Variants in MYH11 observed in about 807,000 individuals in gnomAD.
MYH11 encodes myosin-11.
A neutral mutation model predicts 246.6 loss-of-function variants in MYH11; 80 were observed. The ratio of observed to expected loss-of-function variants is 0.32; its 90% CI spans 0.27 to 0.39. The LOEUF (loss-of-function observed/expected upper bound fraction) is 0.39. Among genes scored for constraint, MYH11 ranks in the 10% least tolerant of loss-of-function variants. MYH11 has a pLI of 1.00. For synonymous variants in MYH11, 1,071 were observed against 1,015.5 expected, an observed-to-expected ratio of 1.05 and a Z score of -1.04; for missense variants, 2,158 against 2,546.8, an observed-to-expected ratio of 0.85 and a Z score of 3.29.
At chr16:15,768,199 T>C (rs763259929) in intron 9 of MYH11, among the ~76,000 whole-genome samples, 5 of 152,216 alleles carry the variant, frequency 3.3e-5, no homozygotes, top group Admixed American at 6.5e-5. Context: ...CTCTTCTTGC[T>C]GAGGAATAAG....
chr16:15,711,460 A>G (rs1252960691), intron 40 of MYH11, among the ~76,000 whole-genome samples: 2 of 152,198 alleles, frequency 1.3e-5, no homozygotes, highest in African/African-American at 2.4e-5. Flanking sequence ...TATTTTTATC[A>G]TATTACTTTC....
At chr16:15,718,248 C>G in intron 37 of MYH11, 67 bp downstream of exon 37, 1 of 1,602,142 alleles carries the variant, frequency 6.2e-7, no homozygotes, top group Non-Finnish European at 8.5e-7. Flanking sequence ...CGTGTGTTGA[C>G]TGGTGCAGGA....
intron 14 of MYH11, 55 bp downstream of exon 14, chr16:15,756,286 G>A: frequency 6.3e-7 from 1 of 1,591,434 alleles, no homozygotes; most frequent in Admixed American, 1.7e-5. Flanking sequence ...TCTCTGCGCT[G>A]AGCAGCCACT....
chr16:15,847,901 A>C (rs1020753418), intron 1 of MYH11, among the ~76,000 whole-genome samples: 4 of 152,096 alleles, frequency 2.6e-5, no homozygotes, highest in Non-Finnish European at 5.9e-5. Flanking sequence ...AATTCCCTGA[A>C]ATATCTGGGC....
intron 40 of MYH11, chr16:15,714,654 C>A: frequency 3.4e-6 from 2 of 586,986 alleles, no homozygotes; most frequent in Non-Finnish European, 6.1e-6. Context: ...CCTCCTCAGC[C>A]GGAGGACCGG....
intron 2 of MYH11, among the ~76,000 whole-genome samples, chr16:15,830,003 C>T (rs1011463145): frequency 3.3e-5 from 5 of 152,072 alleles, no homozygotes; most frequent in Non-Finnish European, 2.9e-5. Flanking sequence ...GGTGTGGTGG[C>T]GCGTGCCTGT....
In MYH11 at chr16:15,795,746, C is replaced by A. The variant is rs2042729463; in HGVS notation, c.530+2914G>T. On this transcript the variant is annotated intron_variant, in intron 4 of 40. Transcript: ENST00000300036. ...AAAGTGCTCACCATGGGGCAGTGGCCTGTTTCTCAGTTCTTCACATGTAGT... is the reference window on the plus strand; with the variant it reads ...AAAGTGCTCACCATGGGGCAGTGGCATGTTTCTCAGTTCTTCACATGTAGT... 2.0e-5 allele frequency among the ~76,000 whole-genome samples: 3 copies of A among 152,192 alleles called. No homozygotes were observed. The South Asian group carries it at 6.2e-4, about 31-fold the overall frequency.
intron 37 of MYH11, 131 bp downstream of exon 37, chr16:15,718,184 C>T (rs1000359842): frequency 2.4e-5 from 34 of 1,443,068 alleles, no homozygotes; most frequent in Non-Finnish European, 3.0e-5. Flanking sequence ...TACTCTCAGG[C>T]CCCACCACCC....
At chr16:15,747,460 T>A in intron 19 of MYH11, 110 bp downstream of exon 19, 2 of 1,271,212 alleles carry the variant, frequency 1.6e-6, no homozygotes, top group South Asian at 2.4e-5. Flanking sequence ...TGTCATTCAG[T>A]CAATGATGCA....
Position 15,747,640 on chromosome 16 carries a change from C to T in MYH11, c.2341G>A (p.Glu781Lys). Reference sequence around the variant, plus strand: ...ACATCGGTGATCTTCAAATCTCGCTCCTCCTCTAGGTGGGCCAGGACGCCA... The same window carrying T: ...ACATCGGTGATCTTCAAATCTCGCTTCTCCTCTAGGTGGGCCAGGACGCCA... ...RTGVLAHLEE[E>K]RDLKITDVIM... The change falls in exon 19 of 41, where the codon GAG (glutamate) becomes AAG (lysine). Residue 781 changes from glutamate (E) to lysine (K), a missense_variant. Around this residue, in one of 11 missense-constraint regions of MYH11, gnomAD observed 90 missense variants for 144.2 expected, o/e 0.62. Coordinates refer to ENST00000300036, the MANE Select transcript of MYH11 (RefSeq NM_002474.3). 6.2e-7 allele frequency: 1 copy of T among 1,614,088 alleles called. No individual in the cohort carries two copies. Among genetic ancestry groups the T allele is most frequent in the Non-Finnish European group, 8.5e-7 (1 of 1,180,018 alleles).
At chr16:15,706,201 G>C (rs529710084) in intron 40 of MYH11, among the ~76,000 whole-genome samples, 8 of 152,144 alleles carry the variant, frequency 5.3e-5, no homozygotes, top group Non-Finnish European at 8.8e-5. Context: ...CAGCTTCACA[G>C]AGAAGCTTCT....
intron 1 of MYH11, among the ~76,000 whole-genome samples, chr16:15,846,803 A>G (rs924302789): frequency 6.6e-6 from 1 of 152,116 alleles, no homozygotes; most frequent in African/African-American, 2.4e-5. Context: ...AACATACAAA[A>G]ATTAACCGGT....
chr16:15,731,520 C>T (rs553614179), intron 27 of MYH11, among the ~76,000 whole-genome samples: 1 of 151,368 alleles, frequency 6.6e-6, no homozygotes, highest in Admixed American at 6.6e-5. Context: ...GAGATGGCGG[C>T]TCACTCTGTC....
rs1219805636 is a variant in MYH11 at position 15,755,906 on chromosome 16, G to C, written c.1749+435C>G. On this transcript the variant is annotated intron_variant, in intron 14 of 40. Coordinates refer to ENST00000300036, the MANE Select transcript of MYH11 (RefSeq NM_002474.3). ...AGATCACGCCATTGCACTCCAGCCT[G>C]GATGACAAGAGCAAAATTCCATCTC... is the stretch of plus-strand genomic sequence containing the variant. 2.0e-5 allele frequency among the ~76,000 whole-genome samples: 3 copies of C among 152,190 alleles called. No individual in the cohort carries two copies. In the East Asian group the frequency reaches 5.8e-4, roughly 29 times the overall value.
Position 15,717,421 on chromosome 16 carries a change from C to A in MYH11, c.5296-73G>T, listed in dbSNP as rs948438611. ...AGAGCGCACTGAGACCATGCCTCTT[C>A]CTGCCTTGTTTGGCCTCTGCACGAG... On this transcript the variant is annotated intron_variant, in intron 37 of 40. Transcript: ENST00000300036. 2.6e-4 allele frequency: 402 copies of A among 1,531,512 alleles called. 1 individual carries two copies. Among genetic ancestry groups the A allele is most frequent in the Non-Finnish European group, 3.2e-4 (354 of 1,121,940 alleles). The allele number at this position is 1,531,512 out of a possible 1,614,324, so 94.9% of individuals were successfully genotyped here. A position where few individuals can be genotyped will look rare whatever the true frequency, so the allele number is the denominator to read the frequency against.
chr16:15,759,540 C>T (rs752079465), intron 12 of MYH11, 36 bp downstream of exon 12: 1 of 1,614,022 alleles, frequency 6.2e-7, no homozygotes, highest in Admixed American at 1.7e-5. Flanking sequence ...CTCAGACAAC[C>T]AAGACCATGG....
chr16:15,732,160 G>A (rs145775910), intron 27 of MYH11, among the ~76,000 whole-genome samples: 7,390 of 150,614 alleles, frequency 0.049, 624 homozygotes, highest in African/African-American at 0.17. Context: ...ATAGGGTTTC[G>A]CCATGTTGGC....
rs1203094266 is a variant in MYH11 at position 15,838,179 on chromosome 16, A to G, written c.74T>C (p.Val25Ala). The G allele has an allele frequency of 6.2e-7, 1 of 1,614,038 alleles. No individual in the cohort carries two copies. The highest frequency in any genetic ancestry group is 8.5e-7 in the Non-Finnish European group (1 of 1,180,026). ...FVDKNFINSP[V>A]AQADWAAKRL... ...CTTGGCGGCCCAGTCAGCCTGGGCCACTGGGCTGTTGATGAAGTTTTTGTC... is the reference window on the plus strand; with the variant it reads ...CTTGGCGGCCCAGTCAGCCTGGGCCGCTGGGCTGTTGATGAAGTTTTTGTC... The change falls in exon 2 of 41, where the codon GTG (valine) becomes GCG (alanine). Residue 25 changes from valine to alanine, a missense_variant. Physicochemically the swap from Val to Ala is moderately conservative, Grantham distance 64. Transcript: ENST00000300036.
At chr16:15,828,364 A>G (rs1271909320) in intron 2 of MYH11, among the ~76,000 whole-genome samples, 1 of 152,106 alleles carries the variant, frequency 6.6e-6, no homozygotes, top group African/African-American at 2.4e-5. Flanking sequence ...TAGAGCCTTC[A>G]ATATGCTGTT....
Sources: allele counts gnomAD v4.1 joint callset (sites outside exome capture counted in the v4.1 genomes callset), GRCh38; gene constraint gnomAD v4.1.1; regional missense constraint gnomAD v4.1.1; transcripts MANE v1.5; gene names NCBI Gene and HGNC (gene_info 2026-07-23, HGNC 2026-07-21).